The following SLC22A8 variants were observed in gnomAD, a reference collection of about 807,000 sequenced individuals.
SLC22A8 encodes the protein organic anion transporter 3.
A neutral mutation model predicts 48.4 loss-of-function variants in SLC22A8; 40 were observed. The observed-to-expected ratio is 0.83, with a 90% CI of 0.64 to 1.08. The LOEUF is 1.08. Among genes scored for constraint, SLC22A8 ranks in the 50% least tolerant of loss-of-function variants. The probability of loss-of-function intolerance (pLI) is 0.00; values close to 1 mark genes in which losing one functional copy is unlikely to be tolerated. For synonymous variants in SLC22A8, 268 were observed against 286.3 expected (o/e 0.94, Z 0.65); for missense variants, 606 against 699.0 (o/e 0.87, Z 1.50).
At position 62,993,519 on chromosome 11, in the gene SLC22A8, G is replaced by A. The variant is rs200524172; in HGVS notation, c.1434C>T (p.Tyr478=). The A allele has an allele frequency of 2.0e-5, 33 of 1,614,200 alleles. No homozygotes were observed. The highest frequency in any genetic ancestry group is 1.1e-4 in the East Asian group (5 of 44,890). ...EVQPFIPNII[Y]GITALLGGSA... Reference sequence around the variant, plus strand: ...TGCCCCCGAGGAGGGCGGTGATCCCGTAGATGATATTGGGGATGAAGGGCT... The same window carrying A: ...TGCCCCCGAGGAGGGCGGTGATCCCATAGATGATATTGGGGATGAAGGGCT... The change falls in exon 10 of 11, where the codon TAC becomes TAT. Residue 478 remains tyrosine (Y), a synonymous_variant. Transcript: ENST00000336232.
intron 1 of SLC22A8, among the ~76,000 whole-genome samples, 187 bp downstream of exon 1, chr11:63,015,542 A>G (rs1368346222): frequency 6.6e-6 from 1 of 152,218 alleles, no homozygotes; most frequent in Non-Finnish European, 1.5e-5. Context: ...GGCCTCCCCA[A>G]GCTCAGAGCC....
intron 8 of SLC22A8, chr11:62,994,265 A>G (rs553046752): frequency 7.1e-5 from 39 of 547,428 alleles, no homozygotes; most frequent in Non-Finnish European, 1.1e-4. Flanking sequence ...TTATCTCTAC[A>G]GTGATGTCAC....
At chr11:63,008,462 C>T (rs186881982) in intron 2 of SLC22A8, among the ~76,000 whole-genome samples, 3 of 152,246 alleles carry the variant, frequency 2.0e-5, no homozygotes, top group Admixed American at 2.0e-4. Context: ...ATCTTGGGGA[C>T]AGTCAAAAAG....
At chr11:63,008,407 A>G (rs1483663760) in intron 2 of SLC22A8, among the ~76,000 whole-genome samples, 1 of 152,170 alleles carries the variant, frequency 6.6e-6, no homozygotes, top group Admixed American at 6.5e-5. Context: ...GGATCCCTAG[A>G]GGAACCTGTG....
chr11:63,005,065 C>T (rs1330712296), intron 2 of SLC22A8, among the ~76,000 whole-genome samples: 1 of 152,206 alleles, frequency 6.6e-6, no homozygotes, highest in Non-Finnish European at 1.5e-5. Flanking sequence ...AAATTGTCTA[C>T]TGGAGGATTA....
At chr11:62,995,983 T>G (rs1590688988) in intron 6 of SLC22A8, 46 bp downstream of exon 6, 1 of 1,612,060 alleles carries the variant, frequency 6.2e-7, no homozygotes, top group Non-Finnish European at 8.5e-7. Context: ...AGCCCAAGAG[T>G]GGAGCACAGG....
At chr11:63,010,332 T>C (rs976008854) in intron 2 of SLC22A8, among the ~76,000 whole-genome samples, 1 of 152,174 alleles carries the variant, frequency 6.6e-6, no homozygotes, top group Non-Finnish European at 1.5e-5. Flanking sequence ...CTAACAGGTG[T>C]CACCTGGACT....
intron 7 of SLC22A8, 156 bp downstream of exon 7, chr11:62,995,548 G>C (rs2086405804): frequency 3.2e-6 from 2 of 619,150 alleles, no homozygotes; most frequent in Non-Finnish European, 5.8e-6. Context: ...GAATGCAGCA[G>C]ATTTCTGGGG....
intron 2 of SLC22A8, among the ~76,000 whole-genome samples, chr11:63,003,964 T>C (rs1408321754): frequency 6.6e-6 from 1 of 152,250 alleles, no homozygotes; most frequent in Non-Finnish European, 1.5e-5. Context: ...ATTGTTGTTA[T>C]AATAACCTAG....
rs2086375044 is a variant in SLC22A8, at chr11:62,993,822, A to T, written c.1273T>A (p.Ser425Thr). 6.2e-7 allele frequency: 1 copy of T among 1,613,882 alleles called. No homozygotes were observed. Among genetic ancestry groups the T allele is most frequent in the African/African-American group, 1.3e-5 (1 of 74,912 alleles). Residue 425 changes from serine (S) to threonine (T), a missense_variant, in exon 9 of 11, where the codon TCC (serine) becomes ACC (threonine). By Grantham distance (58) the Ser-to-Thr change is moderately conservative. Coordinates refer to ENST00000336232, the MANE Select transcript of SLC22A8 (RefSeq NM_004254.4). ...GTGTAGAGGAAGAGGCAGCTGAAGG[A>T]GCTGGATAGGCATCCCTTCCCAAAC... ...AVFGKGCLSSSFSCLFLYTSE... is the reference protein window; with the variant it reads ...AVFGKGCLSSTFSCLFLYTSE...
intron 5 of SLC22A8, among the ~76,000 whole-genome samples, chr11:62,997,467 G>T (rs934941813): frequency 2.6e-5 from 4 of 151,896 alleles, no homozygotes; most frequent in African/African-American, 9.7e-5. Context: ...CCCGCGATCC[G>T]CCCCTCAGCC....
chr11:63,014,133 G>C (rs1037779770), intron 2 of SLC22A8, among the ~76,000 whole-genome samples: 10 of 152,156 alleles, frequency 6.6e-5, no homozygotes, highest in Non-Finnish European at 1.5e-4. Flanking sequence ...CTCACTGCCT[G>C]TTTGGCCCTT....
At chr11:63,001,104 C>T in intron 2 of SLC22A8, 1 of 409,118 alleles carries the variant, frequency 2.4e-6, no homozygotes, top group Non-Finnish European at 4.6e-6. Flanking sequence ...CTGCTTCCTC[C>T]TCTCCAAGTT....
intron 4 of SLC22A8, 123 bp from the exon 5 acceptor site, chr11:62,999,212 T>C (rs977342809): frequency 1.3e-5 from 11 of 815,912 alleles, no homozygotes; most frequent in Non-Finnish European, 1.8e-5. Context: ...GCTGTTGATA[T>C]CGCCCTCCGT....
intron 6 of SLC22A8, 65 bp from the exon 7 acceptor site, chr11:62,995,884 A>T: frequency 6.7e-7 from 1 of 1,501,864 alleles, no homozygotes; most frequent in Non-Finnish European, 9.3e-7. Flanking sequence ...GAAGAGAGGG[A>T]GATGCAGGCG....
chr11:63,005,164 A>C (rs1240949562), intron 2 of SLC22A8, among the ~76,000 whole-genome samples: 1 of 152,210 alleles, frequency 6.6e-6, no homozygotes, highest in East Asian at 1.9e-4. Context: ...TGCACTCTAA[A>C]TTGCTCCCAG....
At position 62,998,922 on chromosome 11, in the gene SLC22A8, A is replaced by G; in HGVS notation, c.760T>C (p.Trp254Arg). Reference sequence around the variant, plus strand: ...GATGAAGAGGAGAGGGCCACATACCAGGATGATAGGAAGAAGACGAAGAAG... The same window carrying G: ...GATGAAGAGGAGAGGGCCACATACCGGGATGATAGGAAGAAGACGAAGAAG... ...IPFFVFFLSS[W>R]WTPESIRWLV... The change falls in exon 5 of 11, where the codon TGG becomes CGG. Residue 254 changes from tryptophan to arginine, a missense_variant and splice_region_variant. Physicochemically the swap from Trp to Arg is moderately radical, Grantham distance 101. Transcript: ENST00000336232. The G allele has an allele frequency of 6.2e-7, 1 of 1,604,444 alleles. No individual in the cohort carries two copies. Among genetic ancestry groups the G allele is most frequent in the Non-Finnish European group, 8.5e-7 (1 of 1,172,272 alleles).
intron 2 of SLC22A8, among the ~76,000 whole-genome samples, chr11:63,002,139 G>A (rs1444404295): frequency 6.6e-6 from 1 of 151,978 alleles, no homozygotes; most frequent in Non-Finnish European, 1.5e-5. Flanking sequence ...CTAACTCCTG[G>A]CCTCAAGTGA....
chr11:63,001,296 T>C (rs2086491939), intron 2 of SLC22A8, among the ~76,000 whole-genome samples: 1 of 152,158 alleles, frequency 6.6e-6, no homozygotes, highest in Admixed American at 6.5e-5. Flanking sequence ...TTTAGGTGTG[T>C]CCAAATCTCT....
Sources: gnomAD v4.1 joint callset for allele counts (sites outside exome capture counted in the v4.1 genomes callset) on GRCh38, gnomAD v4.1.1 for gene constraint, MANE v1.5 for transcripts, NCBI Gene and HGNC (gene_info 2026-07-23, HGNC 2026-07-21) for gene names.